Variants in LAMA5 observed in about 807,000 individuals in gnomAD.
LAMA5 encodes the protein laminin subunit alpha-5.
In LAMA5, 260 loss-of-function variants were observed where a neutral mutation model predicts 433.4. That is an observed-to-expected ratio of 0.60 (90% CI 0.54 to 0.66). The LOEUF (loss-of-function observed/expected upper bound fraction) is 0.66, where lower values mean the gene tolerates loss of function less well. Among genes scored for constraint, LAMA5 ranks in the 30% least tolerant of loss-of-function variants. LAMA5 has a pLI of 0.00. For synonymous variants in LAMA5, 2,620 were observed against 2,226.6 expected, an observed-to-expected ratio of 1.18 and a Z score of -4.97; for missense variants, 5,378 against 5,258.5, an observed-to-expected ratio of 1.02 and a Z score of -0.70.
At chr20:62,337,990 C>A in intron 14 of LAMA5, 26 bp downstream of exon 14, 1 of 1,593,778 alleles carries the variant, frequency 6.3e-7, no homozygotes, top group Non-Finnish European at 8.6e-7. Context: ...TGGCAGAACC[C>A]CTTCCTGCCC....
chr20:62,310,667 G>A lies in LAMA5; in HGVS notation c.10444C>T (p.Pro3482Ser), dbSNP rs757312848. The A allele has an allele frequency of 5.6e-6, 9 of 1,602,836 alleles. No homozygotes were observed. Among genetic ancestry groups the A allele is most frequent in the East Asian group, 2.2e-5 (1 of 44,870 alleles). The change falls in exon 75 of 80, where the codon CCG becomes TCG. Residue 3482 changes from proline to serine, a missense_variant and splice_region_variant. Transcript: ENST00000252999. ...LPASSHSSKL[P>S]VTVGFSGCVK... ...GGCTGGGGCAAGATGGTTCTCACCG[G>A]AAGTTTGGAGCTGTGGCTGCTGGCC...
intron 48 of LAMA5, among the ~76,000 whole-genome samples, 192 bp downstream of exon 48, chr20:62,321,827 A>AGGGGTGCAGCCAGCAGTG (rs1987849955): frequency 6.6e-6 from 1 of 150,656 alleles, no homozygotes; most frequent in Non-Finnish European, 1.5e-5. Flanking sequence ...GGGACAGTAG[A>AGGGGTGCAGCCAGCAGTG]GGGGTGCAGC....
rs1986331780 is a variant in LAMA5, at chr20:62,312,046, C to T, written c.9509G>A (p.Gly3170Glu). 2 of 1,611,722 alleles carry T rather than the reference C, an allele frequency of 1.2e-6. No individual in the cohort carries two copies. The highest frequency in any genetic ancestry group is 8.5e-7 in the Non-Finnish European group (1 of 1,179,366). Reference sequence around the variant, plus strand: ...CTGCTGCAGGGACACCTGGCATAGCCCATCCTGGGGACGGCAGCCAGGTCA... The same window carrying T: ...CTGCTGCAGGGACACCTGGCATAGCTCATCCTGGGGACGGCAGCCAGGTCA... ...ALLYYRASPDGLCQVSLQQGR... is the reference protein window; with the variant it reads ...ALLYYRASPDELCQVSLQQGR... Residue 3170 changes from glycine (G) to glutamate (E), a missense_variant, in exon 70 of 80, where the codon GGG becomes GAG. Transcript: ENST00000252999.
At chr20:62,334,163 G>A in intron 22 of LAMA5, 23 bp downstream of exon 22, 3 of 1,604,900 alleles carry the variant, frequency 1.9e-6, no homozygotes, top group South Asian at 2.2e-5. Flanking sequence ...GGCTGAGCCT[G>A]GGAGGGGGAG....
In LAMA5 at chr20:62,366,999, T is replaced by G. The variant is rs757788541; in HGVS notation, c.247A>C (p.Lys83Gln). 11 of 1,280,130 alleles carry G rather than the reference T, an allele frequency of 8.6e-6. No homozygotes were observed. The Admixed American group carries it at 3.6e-4, about 42-fold the overall frequency. The allele number at this position is 1,280,130 out of a possible 1,614,324, so 79.3% of individuals were successfully genotyped here. A position where few individuals can be genotyped will look rare whatever the true frequency, so the allele number is the denominator to read the frequency against. The part of the protein sequence containing the change: ...SPRPTEDLYC[K>Q]LVGGPVAGGD... ...CCGGCCACGGGGCCCCCTACCAGCT[T>G]GCAGTAAAGGTCCTCGGTGGGGCGC... Residue 83 changes from lysine to glutamine, a missense_variant, in exon 1 of 80, where the codon AAG (lysine) becomes CAG (glutamine). By Grantham distance (53) the Lys-to-Gln change is moderately conservative. Transcript: ENST00000252999.
At chr20:62,309,918 G>C in intron 78 of LAMA5, 70 bp downstream of exon 78, 1 of 1,605,564 alleles carries the variant, frequency 6.2e-7, no homozygotes, top group East Asian at 2.2e-5. Context: ...CCCACCCAGA[G>C]TCCCGCCTGG....
At chr20:62,361,780 T>A (rs1281573765) in intron 2 of LAMA5, among the ~76,000 whole-genome samples, 1 of 152,146 alleles carries the variant, frequency 6.6e-6, no homozygotes, top group Admixed American at 6.5e-5. Flanking sequence ...TCGCCCCCAA[T>A]CTGGGGGTGC....
chr20:62,320,768 T>A lies in LAMA5; in HGVS notation c.6619A>T (p.Arg2207Trp), dbSNP rs1987612179. 1 of 1,612,492 alleles carries A rather than the reference T, an allele frequency of 6.2e-7. No individual in the cohort carries two copies. The highest frequency in any genetic ancestry group is 1.3e-5 in the African/African-American group (1 of 74,948). ...ASSMAWARLH[R>W]LNASIADLQS... ...AGGTCAGCGATGGAGGCGTTCAGCC[T>A]GTGCAGACGGGCCCAGGCCATGGAG... is the stretch of plus-strand genomic sequence containing the variant. Residue 2207 changes from arginine (R) to tryptophan (W), a missense_variant, in exon 49 of 80, where the codon AGG becomes TGG. Coordinates refer to ENST00000252999, the MANE Select transcript of LAMA5 (RefSeq NM_005560.6).
chr20:62,321,943 A>G, intron 48 of LAMA5, 76 bp downstream of exon 48: 1 of 1,450,340 alleles, frequency 6.9e-7, no homozygotes, highest in Non-Finnish European at 9.6e-7. Context: ...CGACGTTAAC[A>G]CTGGGGTCAC....
Position 62,328,282 on chromosome 20 carries a change from C to T in LAMA5, c.4611G>A (p.Glu1537=). ...CTGTGTCACAGGTAGGGTCTGTGAG[C>T]TCCTGGATGCCGGGCCCTGAGCAGT... is the stretch of plus-strand genomic sequence containing the variant. ...ECNCSGPGIQ[E]LTDPTCDTDS... is the part of the protein sequence containing the mutation. Residue 1537 remains glutamate, a synonymous_variant, in exon 35 of 80, where the codon GAG becomes GAA. Transcript: ENST00000252999. 1.2e-6 allele frequency: 2 copies of T among 1,608,438 alleles called. No homozygotes were observed. Among genetic ancestry groups the T allele is most frequent in the South Asian group, 1.1e-5 (1 of 89,976 alleles).
chr20:62,350,125 G>A (rs1180237880), intron 6 of LAMA5, among the ~76,000 whole-genome samples: 1 of 151,798 alleles, frequency 6.6e-6, no homozygotes, highest in Non-Finnish European at 1.5e-5. Context: ...CCCAGGTGCG[G>A]TGAGTCAGGG....
chr20:62,319,830 G>C (rs1987479652), intron 50 of LAMA5, 35 bp from the exon 51 acceptor site: 1 of 1,497,494 alleles, frequency 6.7e-7, no homozygotes, highest in African/African-American at 1.4e-5. Flanking sequence ...CACGCTGCTG[G>C]TAGGCGAGGG....
At chr20:62,355,560 T>C (rs1299865879) in intron 2 of LAMA5, 2 of 152,300 alleles carry the variant, frequency 1.3e-5, no homozygotes, top group African/African-American at 4.8e-5. Flanking sequence ...TTGCGGGGAC[T>C]GTGGGAGCCA....
intron 18 of LAMA5, 34 bp downstream of exon 18, chr20:62,336,306 A>G: frequency 7.0e-7 from 1 of 1,437,444 alleles, no homozygotes; most frequent in Admixed American, 2.0e-5. Context: ...TCCCCAAGGA[A>G]CCCCTGTACC....
Position 62,316,743 on chromosome 20 carries a change from C to A in LAMA5, c.7684G>T (p.Ala2562Ser), listed in dbSNP as rs1422889589. The change falls in exon 57 of 80, where the codon GCC (alanine) becomes TCC (serine). Residue 2562 changes from alanine (A) to serine (S), a missense_variant. Physicochemically the swap from Ala to Ser is moderately conservative, Grantham distance 99. Transcript: ENST00000252999. The part of the protein sequence containing the change: ...TVVRQGLVDR[A>S]QQLLANSTAL... ...GTGCTGTTGGCCAGGAGCTGCTGGG[C>A]TCGGTCCACCAGGCCCTGCCGCACC... 10 of 1,608,780 alleles carry A rather than the reference C, an allele frequency of 6.2e-6. No homozygotes were observed. Among genetic ancestry groups the A allele is most frequent in the Non-Finnish European group, 7.6e-6 (9 of 1,177,858 alleles).
chr20:62,364,089 C>A (rs946202847), intron 1 of LAMA5, among the ~76,000 whole-genome samples: 37 of 152,264 alleles, frequency 2.4e-4, no homozygotes, highest in African/African-American at 6.7e-4. Flanking sequence ...CCCGCTGTGT[C>A]CCCAGCTCAC....
chr20:62,309,809 G>A lies in LAMA5; in HGVS notation c.10855C>T (p.Leu3619=). The change falls in exon 79 of 80, where the codon CTG becomes TTG. Residue 3619 remains leucine (L), a synonymous_variant. Coordinates refer to ENST00000252999, the MANE Select transcript of LAMA5 (RefSeq NM_005560.6). ...TGGTTGCTCTGCGCGTCCACCTCCA[G>A]CCGGAGCACATTCCCGCTTTTCATC... ...AVMKSGNVLR[L]EVDAQSNHTV... is the part of the protein sequence containing the mutation. The A allele has an allele frequency of 1.2e-6, 2 of 1,611,452 alleles. No homozygotes were observed. The highest frequency in any genetic ancestry group is 1.7e-6 in the Non-Finnish European group (2 of 1,179,536).
In LAMA5 at chr20:62,324,719, C is replaced by T. The variant is rs1421203997; in HGVS notation, c.5530-165G>A. The T allele has an allele frequency of 1.8e-5, 11 of 598,968 alleles. No homozygotes were observed. The highest frequency in any genetic ancestry group is 2.8e-5 in the Admixed American group (1 of 35,946). 37.1% of individuals were successfully genotyped at this position (598,968 alleles called of 1,614,324 possible). A position where few individuals can be genotyped will look rare whatever the true frequency, so the allele number is the denominator to read the frequency against. On this transcript the variant is annotated intron_variant, in intron 41 of 79. Coordinates refer to ENST00000252999, the MANE Select transcript of LAMA5 (RefSeq NM_005560.6). The surrounding 1 kb of genome is among the most constrained non-coding windows in gnomAD (Gnocchi z 4.4). Reference sequence around the variant, plus strand: ...GAGGCTGGTCAGGAACTCCTGGCCTCGGCCGGCTGGAGGTGGGCCAGCACC... The same window carrying T: ...GAGGCTGGTCAGGAACTCCTGGCCTTGGCCGGCTGGAGGTGGGCCAGCACC...
intron 55 of LAMA5, 54 bp downstream of exon 55, chr20:62,317,291 C>A: frequency 6.6e-7 from 1 of 1,509,576 alleles, no homozygotes; most frequent in Non-Finnish European, 8.9e-7. Context: ...CCTCCCAAGG[C>A]CCTGTCTGCA....
Sources: allele counts gnomAD v4.1 joint callset (sites outside exome capture counted in the v4.1 genomes callset), GRCh38; gene constraint gnomAD v4.1.1; non-coding constraint Gnocchi (gnomAD v3.1); transcripts MANE v1.5; gene names NCBI Gene and HGNC (gene_info 2026-07-23, HGNC 2026-07-21).